LINGO2: variants seen among roughly 807,000 people sequenced by gnomAD.
LINGO2 encodes leucine rich repeat and Ig domain containing 2.
In LINGO2, 14 loss-of-function variants were observed where a neutral mutation model predicts 30.6. The ratio of observed to expected loss-of-function variants is 0.46; its 90% CI spans 0.30 to 0.72. The LOEUF is 0.72. Ranked by LOEUF, LINGO2 falls within the 30% of genes least tolerant of loss-of-function variation. The probability of loss-of-function intolerance (pLI) is 0.07; values close to 1 mark genes in which losing one functional copy is unlikely to be tolerated. For missense variants in LINGO2, 729 were observed against 751.7 expected, an observed-to-expected ratio of 0.97 and a Z score of 0.35; for synonymous variants, 317 against 288.5, an observed-to-expected ratio of 1.10 and a Z score of -1.00.
At chr9:27,979,493 T>TA (rs1820754843) in intron 5 of LINGO2, among the ~76,000 whole-genome samples, 1 of 151,960 alleles carries the variant, frequency 6.6e-6, no homozygotes. Flanking sequence ...CCTCTGGAAT[T>TA]AAATAATTGT....
chr9:28,859,084 G>A, the LINGO2 span, among the ~76,000 whole-genome samples: 1 of 152,020 alleles, frequency 6.6e-6, no homozygotes, highest in Admixed American at 6.6e-5. Flanking sequence ...TACAAGTAAA[G>A]TACTTGGAAA....
the LINGO2 span, among the ~76,000 whole-genome samples, chr9:29,149,387 A>G: frequency 6.6e-6 from 1 of 152,112 alleles, no homozygotes; most frequent in Non-Finnish European, 1.5e-5. Context: ...CCCCTCCCAC[A>G]GAGAGATCAA....
At chr9:29,154,599 G>C in the LINGO2 span, among the ~76,000 whole-genome samples, 1 of 152,118 alleles carries the variant, frequency 6.6e-6, no homozygotes, top group Admixed American at 6.5e-5. Context: ...TCAACTGGTG[G>C]AGTTCCTTTG....
chr9:28,079,943 G>A (rs772078555), intron 4 of LINGO2, among the ~76,000 whole-genome samples: 1 of 152,128 alleles, frequency 6.6e-6, no homozygotes, highest in Non-Finnish European at 1.5e-5. Context: ...CTCCGTTGCC[G>A]AAGTAAAAAA....
At chr9:28,047,674 T>G (rs537114116) in intron 4 of LINGO2, among the ~76,000 whole-genome samples, 1 of 150,896 alleles carries the variant, frequency 6.6e-6, no homozygotes, top group Non-Finnish European at 1.5e-5. Flanking sequence ...AGGTCTTCTA[T>G]GAATAACCTG....
At chr9:29,099,535 T>A in the LINGO2 span, among the ~76,000 whole-genome samples, 35,887 of 152,024 alleles carry the variant, frequency 0.24, 4,370 homozygotes, top group East Asian at 0.41. Flanking sequence ...GAACTCTATA[T>A]GAAAAAAAAT....
At chr9:28,840,220 C>G in the LINGO2 span, among the ~76,000 whole-genome samples, 1 of 151,794 alleles carries the variant, frequency 6.6e-6, no homozygotes, top group Non-Finnish European at 1.5e-5. Context: ...GGGTCTCCCA[C>G]CCCTTCAAGT....
the LINGO2 span, among the ~76,000 whole-genome samples, chr9:29,068,828 T>G: frequency 6.6e-6 from 1 of 151,952 alleles, no homozygotes; most frequent in Non-Finnish European, 1.5e-5. Context: ...ATTAGCAAAA[T>G]CTGGCCTCAT....
chr9:28,747,922 G>T, the LINGO2 span, among the ~76,000 whole-genome samples: 1 of 152,012 alleles, frequency 6.6e-6, no homozygotes. Context: ...TGTCACTAAC[G>T]TACTTGCTTT....
chr9:28,291,596 G>C (rs1243077297), intron 4 of LINGO2, among the ~76,000 whole-genome samples: 1 of 152,082 alleles, frequency 6.6e-6, no homozygotes, highest in Non-Finnish European at 1.5e-5. Flanking sequence ...AAATTTTATA[G>C]GCTTAACTGC....
intron 4 of LINGO2, among the ~76,000 whole-genome samples, chr9:28,068,212 C>T (rs1563956225): frequency 6.6e-6 from 1 of 152,098 alleles, no homozygotes; most frequent in African/African-American, 2.4e-5. Flanking sequence ...CCATAACTGG[C>T]TTAAACAACA....
At chr9:28,799,632 C>G in the LINGO2 span, among the ~76,000 whole-genome samples, 1 of 152,096 alleles carries the variant, frequency 6.6e-6, no homozygotes, top group Admixed American at 6.6e-5. Flanking sequence ...TGGCAGTGAC[C>G]TCTGAGGCCT....
Position 28,328,020 on chromosome 9 carries a change from C to G in LINGO2, c.-245-32654G>C, listed in dbSNP as rs1185824604. The stretch of plus-strand genomic sequence containing the variant: ...CAGACCCTCCTTTCAGACTTTTGGA[C>G]CCTGTGAATGTGTGCATCAGAAAGC... On this transcript the variant is annotated intron_variant, in intron 3 of 5. Coordinates refer to ENST00000379992, the Ensembl canonical transcript of LINGO2. Among the ~76,000 whole-genome samples, 11 of 152,066 alleles carry G rather than the reference C, an allele frequency of 7.2e-5. 1 individual carries two copies. Among genetic ancestry groups the G allele is most frequent in the Admixed American group, 7.2e-4 (11 of 15,252 alleles).
chr9:28,017,182 AAC>A (rs1822882073), intron 4 of LINGO2, among the ~76,000 whole-genome samples: 1 of 152,154 alleles, frequency 6.6e-6, no homozygotes, highest in Non-Finnish European at 1.5e-5. Context: ...GCATTGAAGG[AAC>A]ACACTTCAAA....
At chr9:28,393,215 G>A (rs12338018) in intron 2 of LINGO2, among the ~76,000 whole-genome samples, 16,680 of 152,160 alleles carry the variant, frequency 0.11, 970 homozygotes, top group East Asian at 0.19. Context: ...ATGCCCTGGG[G>A]GCAGGAACAG....
At chr9:28,028,587 C>G (rs531664441) in intron 4 of LINGO2, among the ~76,000 whole-genome samples, 1 of 151,890 alleles carries the variant, frequency 6.6e-6, no homozygotes, top group Non-Finnish European at 1.5e-5. Flanking sequence ...TCCAGGACCC[C>G]CATAGATACC....
the LINGO2 span, among the ~76,000 whole-genome samples, chr9:29,131,902 T>C: frequency 1.7e-4 from 26 of 151,336 alleles, no homozygotes; most frequent in African/African-American, 5.8e-4. Flanking sequence ...ACTGTACTAA[T>C]CCTGAGACAT....
intron 1 of LINGO2, among the ~76,000 whole-genome samples, chr9:28,491,115 C>T (rs766573651): frequency 2.0e-5 from 3 of 152,146 alleles, no homozygotes; most frequent in Non-Finnish European, 4.4e-5. Context: ...CAAATTACTA[C>T]AAACTGGGTG....
At chr9:27,961,567 A>G (rs1310873406) in intron 5 of LINGO2, among the ~76,000 whole-genome samples, 1 of 152,182 alleles carries the variant, frequency 6.6e-6, no homozygotes, top group Non-Finnish European at 1.5e-5. Flanking sequence ...GGGCTTATAC[A>G]CTGTGATAAG....
Sources: gnomAD v4.1 joint callset for allele counts (sites outside exome capture counted in the v4.1 genomes callset) on GRCh38, gnomAD v4.1.1 for gene constraint, MANE v1.5 for transcripts, NCBI Gene and HGNC (gene_info 2026-07-23, HGNC 2026-07-21) for gene names.